The following CRTC3 variants were observed in gnomAD, a reference collection of about 807,000 sequenced individuals.
CRTC3 encodes the protein CREB regulated transcription coactivator 3.
A neutral mutation model predicts 74.5 loss-of-function variants in CRTC3; 26 were observed. The ratio of observed to expected loss-of-function variants is 0.35; its 90% CI spans 0.26 to 0.48. CRTC3 has a LOEUF of 0.48. Among genes scored for constraint, CRTC3 ranks in the 20% least tolerant of loss-of-function variants. The pLI, the probability that CRTC3 is intolerant of heterozygous loss-of-function variation, is 0.99. For synonymous variants in CRTC3, 377 were observed against 325.8 expected (o/e 1.16, Z -1.69); for missense variants, 760 against 787.3 (o/e 0.97, Z 0.41).
chr15:90,607,852 G>T (rs1356284954), intron 6 of CRTC3, among the ~76,000 whole-genome samples: 1 of 152,202 alleles, frequency 6.6e-6, no homozygotes, highest in Non-Finnish European at 1.5e-5. Context: ...AACAAACTGA[G>T]AAATACAACT....
chr15:90,563,051 G>C (rs1297174407), intron 2 of CRTC3, among the ~76,000 whole-genome samples: 1 of 152,168 alleles, frequency 6.6e-6, no homozygotes, highest in Admixed American at 6.5e-5. Context: ...GTCCGTGCCT[G>C]CTTAGTCTCC....
intron 2 of CRTC3, among the ~76,000 whole-genome samples, chr15:90,585,022 A>G (rs529956131): frequency 1.1e-4 from 17 of 152,344 alleles, no homozygotes; most frequent in African/African-American, 3.8e-4. Flanking sequence ...GTCAATTTGT[A>G]GGTGTGCCGT....
rs1454000915 is a variant in CRTC3 at position 90,530,614 on chromosome 15, C to G, written c.132+411C>G. ...TCCCCCACCATCGAGCCCTGCTGTT[C>G]TGCCGGCGTGGAAGGCCGCGGGCAC... On this transcript the variant is annotated intron_variant, in intron 1 of 14. Coordinates refer to ENST00000268184, the MANE Select transcript of CRTC3 (RefSeq NM_022769.5). The surrounding 1 kb of genome is among the most constrained non-coding windows in gnomAD (Gnocchi z 6.2). The G allele has an allele frequency of 6.6e-6, 1 of 152,194 alleles. No homozygotes were observed. The highest frequency in any genetic ancestry group is 1.5e-5 in the Non-Finnish European group (1 of 68,094). 9.4% of individuals were successfully genotyped at this position (152,194 alleles called of 1,614,324 possible).
At chr15:90,627,633 T>C (rs1353103554) in intron 10 of CRTC3, among the ~76,000 whole-genome samples, 2 of 151,684 alleles carry the variant, frequency 1.3e-5, no homozygotes, top group Non-Finnish European at 2.9e-5. Flanking sequence ...TTTTTTTTTT[T>C]CTTTTTGAGA....
chr15:90,538,825 G>A (rs903227230), intron 1 of CRTC3, among the ~76,000 whole-genome samples: 1 of 149,582 alleles, frequency 6.7e-6, no homozygotes, highest in South Asian at 2.1e-4. Flanking sequence ...GGAAAGATGG[G>A]ACAAAGGAAA....
rs1054779127 is a variant in CRTC3, at chr15:90,642,220, C to T, written c.*80C>T. 54 of 1,231,666 alleles carry T rather than the reference C, an allele frequency of 4.4e-5. No homozygotes were observed. In the Admixed American group the frequency reaches 4.7e-4, roughly 11 times the overall value. 76.3% of individuals were successfully genotyped at this position (1,231,666 alleles called of 1,614,324 possible). On this transcript the variant is annotated 3_prime_UTR_variant, in exon 15 of 15. Transcript: ENST00000268184. Reference sequence around the variant, plus strand: ...AATAGAATGAAGCCAGCTGATACCACGGGCTTTCGTTATCTTGACATAGAA... The same window carrying T: ...AATAGAATGAAGCCAGCTGATACCATGGGCTTTCGTTATCTTGACATAGAA...
At chr15:90,639,637 AT>A (rs1161614781) in intron 13 of CRTC3, among the ~76,000 whole-genome samples, 3 of 151,404 alleles carry the variant, frequency 2.0e-5, no homozygotes, top group African/African-American at 7.3e-5. Context: ...TTTAGTAGAG[AT>A]GGGGTTTCAC....
intron 2 of CRTC3, among the ~76,000 whole-genome samples, chr15:90,561,214 C>T (rs1281215992): frequency 6.6e-6 from 1 of 152,194 alleles, no homozygotes; most frequent in Non-Finnish European, 1.5e-5. Flanking sequence ...TTGTTCAATA[C>T]ATATTGCAAA....
intron 13 of CRTC3, 169 bp from the exon 14 acceptor site, chr15:90,640,928 G>A: frequency 1.7e-6 from 1 of 604,794 alleles, no homozygotes; most frequent in East Asian, 2.8e-5. Context: ...TGCCTGACAA[G>A]AATATTGTGC....
Position 90,638,834 on chromosome 15 carries a change from C to T in CRTC3, c.1548+19C>T, listed in dbSNP as rs532537307. ...TCAACAGGTGGGTGATCGCCCCTGC[C>T]TTCTCCTCCCTTGGTGCATAAACTG... On this transcript the variant is annotated intron_variant, in intron 13 of 14. Coordinates refer to ENST00000268184, the MANE Select transcript of CRTC3 (RefSeq NM_022769.5). The T allele has an allele frequency of 4.4e-6, 7 of 1,594,386 alleles. No homozygotes were observed. In the African/African-American group the frequency reaches 8.1e-5, roughly 18 times the overall value.
intron 2 of CRTC3, among the ~76,000 whole-genome samples, chr15:90,590,903 C>T (rs1385372662): frequency 6.6e-6 from 1 of 152,160 alleles, no homozygotes; most frequent in African/African-American, 2.4e-5. Context: ...TTTGGGCCAG[C>T]AGCAGGGTTA....
At chr15:90,585,525 T>A (rs1360237837) in intron 2 of CRTC3, among the ~76,000 whole-genome samples, 1 of 152,172 alleles carries the variant, frequency 6.6e-6, no homozygotes, top group Non-Finnish European at 1.5e-5. Flanking sequence ...AAGAATTGAT[T>A]TTATGTAGGC....
intron 2 of CRTC3, among the ~76,000 whole-genome samples, chr15:90,586,359 CTTCT>C (rs1344600407): frequency 1.6e-5 from 2 of 125,560 alleles, no homozygotes; most frequent in East Asian, 2.3e-4. Flanking sequence ...CTTGGTAGAA[CTTCT>C]TTTTTTTTTT....
intron 6 of CRTC3, among the ~76,000 whole-genome samples, chr15:90,608,557 G>C (rs1377333330): frequency 1.3e-5 from 2 of 152,150 alleles, no homozygotes; most frequent in African/African-American, 4.8e-5. Context: ...TCTCAGCTCA[G>C]AGTTATCGTG....
intron 2 of CRTC3, among the ~76,000 whole-genome samples, chr15:90,559,423 TC>T (rs1320569413): frequency 1.3e-5 from 2 of 152,188 alleles, no homozygotes; most frequent in Admixed American, 1.3e-4. Flanking sequence ...TTTATTATTA[TC>T]CAGATTTATG....
intron 1 of CRTC3, among the ~76,000 whole-genome samples, chr15:90,535,632 G>A (rs1036147734): frequency 1.5e-4 from 22 of 150,090 alleles, no homozygotes; most frequent in African/African-American, 3.7e-4. Flanking sequence ...GAATATTTGC[G>A]CAGACTCATT....
chr15:90,622,423 C>G (rs1968682618), intron 9 of CRTC3, among the ~76,000 whole-genome samples: 2 of 152,220 alleles, frequency 1.3e-5, no homozygotes, highest in African/African-American at 4.8e-5. Flanking sequence ...TCACTCCCAC[C>G]TGATCACCCA....
rs778206693 is a variant in CRTC3, at chr15:90,629,417, G to T, written c.1151G>T (p.Arg384Leu). Residue 384 changes from arginine to leucine, a missense_variant, in exon 11 of 15, where the codon CGG becomes CTG. Physicochemically the swap from Arg to Leu is moderately radical, Grantham distance 102. Coordinates refer to ENST00000268184, the MANE Select transcript of CRTC3 (RefSeq NM_022769.5). ...ACCACAAACCTGAGCGGCCCGTCTC[G>T]GCGTCGGCAGCCTCCCGTCAGCCCT... The part of the protein sequence containing the change: ...LSTTNLSGPS[R>L]RRQPPVSPLT... The T allele has an allele frequency of 6.2e-7, 1 of 1,613,812 alleles. No homozygotes were observed. The highest frequency in any genetic ancestry group is 2.2e-5 in the East Asian group (1 of 44,880).
chr15:90,610,883 TCTC>T (rs1183859379), intron 6 of CRTC3, among the ~76,000 whole-genome samples: 1 of 152,140 alleles, frequency 6.6e-6, no homozygotes, highest in Non-Finnish European at 1.5e-5. Flanking sequence ...ATAGGTGTCT[TCTC>T]TGCATCCAGG....
Sources: gnomAD v4.1 joint callset for allele counts (sites outside exome capture counted in the v4.1 genomes callset) on GRCh38, gnomAD v4.1.1 for gene constraint, Gnocchi (gnomAD v3.1) non-coding constraint, MANE v1.5 for transcripts, NCBI Gene and HGNC (gene_info 2026-07-23, HGNC 2026-07-21) for gene names.